The following TAF3 variants were observed in gnomAD, a reference collection of about 807,000 sequenced individuals.
TAF3 encodes the protein transcription initiation factor TFIID subunit 3.
In TAF3, 7 loss-of-function variants were observed where a neutral mutation model predicts 80.6. That is an observed-to-expected ratio of 0.09 (90% confidence interval 0.05 to 0.16). The LOEUF (loss-of-function observed/expected upper bound fraction) is 0.16. Ranked by LOEUF, TAF3 falls within the 10% of genes least tolerant of loss-of-function variation. The pLI is 1.00. For synonymous variants in TAF3, 444 were observed against 446.1 expected (o/e 1.00, Z 0.06); for missense variants, 921 against 1,140.2 (o/e 0.81, Z 2.77).
At position 7,965,653 on chromosome 10, in the gene TAF3, G is replaced by C. The variant is rs1564373302; in HGVS notation, c.2143G>C (p.Glu715Gln). The C allele has an allele frequency of 3.1e-6, 5 of 1,597,582 alleles. No individual in the cohort carries two copies. In the South Asian group the frequency reaches 4.6e-5, roughly 15 times the overall value. ...GGAGAAGAAGAAAAAGAAGGAAAAA[G>C]AGAAGGAGAAGAAGGAGAAGGAAAG... is the stretch of plus-strand genomic sequence containing the variant. Reference protein sequence around the residue: ...KKEKKKKKEKEKEKKEKEREK... With the variant: ...KKEKKKKKEKQKEKKEKEREK... The change falls in exon 3 of 7, where the codon GAG becomes CAG. Residue 715 changes from glutamate to glutamine, a missense_variant. Physicochemically the swap from Glu to Gln is conservative, Grantham distance 29 (BLOSUM62 2). Coordinates refer to ENST00000344293, the MANE Select transcript of TAF3 (RefSeq NM_031923.4).
At chr10:7,865,771 C>T (rs772980869) in intron 2 of TAF3, among the ~76,000 whole-genome samples, 4 of 152,236 alleles carry the variant, frequency 2.6e-5, no homozygotes, top group Non-Finnish European at 5.9e-5. Flanking sequence ...TGAGGTCAAA[C>T]CTCGAACAGC....
At position 7,971,769 on chromosome 10, in the gene TAF3, G is replaced by A. The variant is rs576647148; in HGVS notation, c.2233-5472G>A. ...TGCTGGTGTCCTGGAAAAATGGAGAGTTAGAGCTTTATCAGTTGGTGCCCT... is the reference window on the plus strand; with the variant it reads ...TGCTGGTGTCCTGGAAAAATGGAGAATTAGAGCTTTATCAGTTGGTGCCCT... On this transcript the variant is annotated intron_variant, in intron 3 of 6. Transcript: ENST00000344293. Among the ~76,000 whole-genome samples the A allele has an allele frequency of 2.6e-4, 40 of 152,264 alleles. 1 individual carries two copies. The highest frequency in any genetic ancestry group is 1.4e-3 in the Admixed American group (21 of 15,296).
rs1832035530 is a variant in TAF3 at position 8,009,693 on chromosome 10, C to G, written c.2568+363C>G. On this transcript the variant is annotated intron_variant, in intron 5 of 6. Coordinates refer to ENST00000344293, the MANE Select transcript of TAF3 (RefSeq NM_031923.4). The surrounding 1 kb of genome is among the most constrained non-coding windows in gnomAD (Gnocchi z 4.1). ...CTGGAATGCGGTGGTGAGATCTCAG[C>G]TCACTGCAACCTCCACCTCCCAGGT... Among the ~76,000 whole-genome samples the G allele has an allele frequency of 6.6e-6, 1 of 151,862 alleles. No individual in the cohort carries two copies. Among genetic ancestry groups the G allele is most frequent in the Non-Finnish European group, 1.5e-5 (1 of 67,994 alleles).
At chr10:7,917,200 C>T (rs933777970) in intron 2 of TAF3, among the ~76,000 whole-genome samples, 1 of 152,146 alleles carries the variant, frequency 6.6e-6, no homozygotes, top group African/African-American at 2.4e-5. Context: ...AAATTTCAGG[C>T]GGTAATAAGT....
At chr10:7,905,148 G>A (rs1837595318) in intron 2 of TAF3, among the ~76,000 whole-genome samples, 1 of 152,082 alleles carries the variant, frequency 6.6e-6, no homozygotes, top group South Asian at 2.1e-4. Context: ...TGTCCCTATG[G>A]TAAGAATACA....
chr10:7,899,581 G>T (rs74123644), intron 2 of TAF3, among the ~76,000 whole-genome samples: 286 of 152,212 alleles, frequency 1.9e-3, no homozygotes, highest in African/African-American at 6.4e-3. Context: ...CTTTGTGCTT[G>T]GTACTGGAAG....
At chr10:7,951,408 G>A (rs1394993487) in intron 2 of TAF3, among the ~76,000 whole-genome samples, 2 of 152,184 alleles carry the variant, frequency 1.3e-5, no homozygotes, top group African/African-American at 4.8e-5. Flanking sequence ...CCTATGCCTG[G>A]TGCTTTGGCT....
At chr10:7,973,091 C>T (rs1176184606) in intron 3 of TAF3, among the ~76,000 whole-genome samples, 2 of 152,200 alleles carry the variant, frequency 1.3e-5, no homozygotes, top group Non-Finnish European at 2.9e-5. Context: ...AAAGCACTTA[C>T]TCCTTCTGAG....
In TAF3 at chr10:7,959,964, C is replaced by T. The variant is rs1438275609; in HGVS notation, c.410-3956C>T. On this transcript the variant is annotated intron_variant, in intron 2 of 6. Coordinates refer to ENST00000344293, the MANE Select transcript of TAF3 (RefSeq NM_031923.4). ...GAGTAGAGCAGTTTCCCTCTGGTCTCCCAGTATCCATAAGGCCTTCCCTGG... is the reference window on the plus strand; with the variant it reads ...GAGTAGAGCAGTTTCCCTCTGGTCTTCCAGTATCCATAAGGCCTTCCCTGG... 3.9e-5 allele frequency among the ~76,000 whole-genome samples: 6 copies of T among 152,310 alleles called. No homozygotes were observed. The East Asian group carries it at 1.2e-3, about 29-fold the overall frequency.
At chr10:7,872,490 T>C (rs1375518376) in intron 2 of TAF3, among the ~76,000 whole-genome samples, 1 of 152,170 alleles carries the variant, frequency 6.6e-6, no homozygotes, top group African/African-American at 2.4e-5. Context: ...TAGATGGAAA[T>C]ATATAAAATT....
intron 3 of TAF3, among the ~76,000 whole-genome samples, chr10:7,973,492 G>T (rs959000757): frequency 1.1e-4 from 17 of 152,196 alleles, no homozygotes; most frequent in African/African-American, 3.1e-4. Flanking sequence ...ACTGCATTCC[G>T]TCTCAGTTTT....
At chr10:7,850,028 A>C (rs1401761018) in intron 2 of TAF3, among the ~76,000 whole-genome samples, 1 of 149,622 alleles carries the variant, frequency 6.7e-6, no homozygotes, top group African/African-American at 2.5e-5. Context: ...ATTTGTTAAA[A>C]ATTGTTGGGA....
chr10:7,960,460 G>A (rs1397454130), intron 2 of TAF3, among the ~76,000 whole-genome samples: 2 of 152,212 alleles, frequency 1.3e-5, no homozygotes, highest in African/African-American at 2.4e-5. Context: ...AAGGGAGTAC[G>A]TGGTTATTTC....
intron 2 of TAF3, among the ~76,000 whole-genome samples, chr10:7,936,465 G>T (rs1428555794): frequency 6.6e-6 from 1 of 151,294 alleles, no homozygotes; most frequent in African/African-American, 2.4e-5. Flanking sequence ...CTATGGATTG[G>T]CATATCAGAA....
intron 4 of TAF3, among the ~76,000 whole-genome samples, chr10:7,987,913 G>A (rs866311220): frequency 1.3e-5 from 2 of 152,114 alleles, no homozygotes; most frequent in Non-Finnish European, 1.5e-5. Context: ...TGCTGGCTCC[G>A]TCTCAGGTGA....
chr10:8,004,603 C>T (rs1214709689), intron 4 of TAF3, among the ~76,000 whole-genome samples: 1 of 152,010 alleles, frequency 6.6e-6, no homozygotes, highest in East Asian at 1.9e-4. Flanking sequence ...AGATGTTATT[C>T]CACTATCTTC....
intron 2 of TAF3, among the ~76,000 whole-genome samples, chr10:7,829,413 A>G (rs995532403): frequency 2.6e-5 from 4 of 152,030 alleles, no homozygotes; most frequent in African/African-American, 9.7e-5. Context: ...AGGATATCAT[A>G]TTGTGTTTGG....
At chr10:7,830,717 C>A (rs1427703769) in intron 2 of TAF3, among the ~76,000 whole-genome samples, 1 of 152,094 alleles carries the variant, frequency 6.6e-6, no homozygotes, top group Non-Finnish European at 1.5e-5. Flanking sequence ...CTCCTGACCT[C>A]AAGTGATCCG....
intron 3 of TAF3, among the ~76,000 whole-genome samples, chr10:7,972,548 A>G (rs921425568): frequency 6.6e-6 from 1 of 152,224 alleles, no homozygotes; most frequent in Admixed American, 6.5e-5. Flanking sequence ...GTAATTACAG[A>G]TGAAACTTTG....
Sources: allele counts gnomAD v4.1 joint callset (sites outside exome capture counted in the v4.1 genomes callset), GRCh38; gene constraint gnomAD v4.1.1; non-coding constraint Gnocchi (gnomAD v3.1); transcripts MANE v1.5; gene names NCBI Gene and HGNC (gene_info 2026-07-23, HGNC 2026-07-21).